MARCHF8: variants seen among roughly 807,000 people sequenced by gnomAD.
The protein encoded by MARCHF8 is E3 ubiquitin-protein ligase MARCHF8.
A neutral mutation model predicts 51.6 loss-of-function variants in MARCHF8; 40 were observed. The ratio of observed to expected loss-of-function variants is 0.77; its 90% CI spans 0.60 to 1.01. The LOEUF (loss-of-function observed/expected upper bound fraction) is 1.01. Ranked by LOEUF, MARCHF8 falls within the 50% of genes least tolerant of loss-of-function variation. The probability of loss-of-function intolerance (pLI) is 0.00; values close to 1 mark genes in which losing one functional copy is unlikely to be tolerated. For missense variants in MARCHF8, 685 were observed against 708.6 expected (o/e 0.97, Z 0.38); for synonymous variants, 263 against 280.3 (o/e 0.94, Z 0.62).
chr10:45,574,808 C>T (rs2044470945), intron 1 of MARCHF8, among the ~76,000 whole-genome samples: 1 of 152,090 alleles, frequency 6.6e-6, no homozygotes, highest in Non-Finnish European at 1.5e-5. Flanking sequence ...TTCTTTCTCA[C>T]ACCTGATGCA....
intron 1 of MARCHF8, among the ~76,000 whole-genome samples, chr10:45,591,939 A>G (rs1021377689): frequency 2.8e-4 from 42 of 152,312 alleles, no homozygotes; most frequent in African/African-American, 9.9e-4. Flanking sequence ...CCATATATCA[A>G]TCTGAAGGGC....
chr10:45,565,448 T>C (rs2044354592), intron 1 of MARCHF8, among the ~76,000 whole-genome samples: 1 of 151,762 alleles, frequency 6.6e-6, no homozygotes, highest in South Asian at 2.1e-4. Context: ...AAAATAAATA[T>C]AAACATATAT....
chr10:45,484,006 G>A (rs2042937444), intron 3 of MARCHF8, among the ~76,000 whole-genome samples: 1 of 152,094 alleles, frequency 6.6e-6, no homozygotes, highest in Non-Finnish European at 1.5e-5. Context: ...AGAGTAGGGT[G>A]ACTACAGTTA....
intron 2 of MARCHF8, among the ~76,000 whole-genome samples, chr10:45,503,493 G>A (rs1034415480): frequency 1.1e-4 from 16 of 151,768 alleles, no homozygotes; most frequent in Non-Finnish European, 2.1e-4. Context: ...CCGAGATATC[G>A]TGCCACTGCA....
intron 2 of MARCHF8, among the ~76,000 whole-genome samples, chr10:45,503,168 A>G (rs1346130883): frequency 1.3e-5 from 2 of 152,214 alleles, no homozygotes; most frequent in African/African-American, 4.8e-5. Flanking sequence ...CCAAATAGAT[A>G]AATATAGCAA....
In MARCHF8 at chr10:45,546,309, C is replaced by T. The variant is rs574267603; in HGVS notation, c.-78-13020G>A. Among the ~76,000 whole-genome samples the T allele has an allele frequency of 4.0e-3, 606 of 152,070 alleles. 2 individuals are homozygous for T. Among genetic ancestry groups the T allele is most frequent in the African/African-American group, 0.013 (558 of 41,496 alleles). ...CCGAGTAGCTGGGATTACAGGTGCACGCCACCACTCCTGTCTAATTTTTTT... is the reference window on the plus strand; with the variant it reads ...CCGAGTAGCTGGGATTACAGGTGCATGCCACCACTCCTGTCTAATTTTTTT... On this transcript the variant is annotated intron_variant, in intron 1 of 6. Transcript: ENST00000319836.
chr10:45,460,309 C>T (rs549286945), intron 6 of MARCHF8, among the ~76,000 whole-genome samples: 1 of 152,278 alleles, frequency 6.6e-6, no homozygotes, highest in African/African-American at 2.4e-5. Context: ...ACAGCCTGAC[C>T]TCTCTAAACT....
chr10:45,556,853 G>A (rs966444176), intron 1 of MARCHF8, among the ~76,000 whole-genome samples: 2 of 152,106 alleles, frequency 1.3e-5, no homozygotes, highest in Admixed American at 6.5e-5. Context: ...TAAAGGATGA[G>A]TAAATAGAAT....
At chr10:45,545,297 C>A (rs1368249750) in intron 1 of MARCHF8, among the ~76,000 whole-genome samples, 1 of 152,206 alleles carries the variant, frequency 6.6e-6, no homozygotes, top group Non-Finnish European at 1.5e-5. Flanking sequence ...TAAATAAATG[C>A]TGGTTGGATC....
At chr10:45,487,887 T>C (rs1030866381) in intron 3 of MARCHF8, among the ~76,000 whole-genome samples, 2 of 152,046 alleles carry the variant, frequency 1.3e-5, no homozygotes, top group Non-Finnish European at 2.9e-5. Context: ...AGATAGACTT[T>C]GTCACTTGTT....
In MARCHF8 at chr10:45,463,262, A is replaced by G. The variant is rs2132931945; in HGVS notation, c.977T>C (p.Leu326Pro). The change falls in exon 5 of 8, where the codon CTG becomes CCG. Residue 326 changes from leucine (L) to proline (P), a missense_variant. Physicochemically the swap from Leu to Pro is moderately conservative, Grantham distance 98. Transcript: ENST00000453424. The part of the protein sequence containing the change: ...STSAKLKSRV[L>P]RAPLCSTEKD... ...TTCCGTGGAGCAGAGGGGCGCCCGC[A>G]GAACCCTACTCTTCAGTTTTGCAGA... 3 of 1,550,972 alleles carry G rather than the reference A, an allele frequency of 1.9e-6. No homozygotes were observed. In the East Asian group the frequency reaches 7.3e-5, roughly 38 times the overall value.
chr10:45,559,823 G>T (rs977504494), intron 1 of MARCHF8, among the ~76,000 whole-genome samples: 2 of 152,042 alleles, frequency 1.3e-5, no homozygotes, highest in African/African-American at 4.8e-5. Flanking sequence ...TCTGCAACTG[G>T]GTCATTCATT....
intron 1 of MARCHF8, among the ~76,000 whole-genome samples, chr10:45,576,978 A>C (rs1019467451): frequency 2.0e-4 from 28 of 139,160 alleles, no homozygotes; most frequent in Non-Finnish European, 2.7e-4. Context: ...AGAAAAGAAA[A>C]AAAAAAAAAA....
chr10:45,461,502 C>T, intron 5 of MARCHF8, 91 bp from the exon 6 acceptor site: 1 of 1,154,514 alleles, frequency 8.7e-7, no homozygotes, highest in Non-Finnish European at 1.2e-6. Context: ...CCAAAGGAAA[C>T]TCAGAAACGA....
At chr10:45,470,021 T>C (rs1843117184) in intron 3 of MARCHF8, among the ~76,000 whole-genome samples, 1 of 152,218 alleles carries the variant, frequency 6.6e-6, no homozygotes, top group Non-Finnish European at 1.5e-5. Context: ...GAGTTCATGT[T>C]GGCTGTTGGC....
intron 1 of MARCHF8, among the ~76,000 whole-genome samples, chr10:45,584,313 G>A (rs1208232080): frequency 1.3e-5 from 2 of 151,210 alleles, no homozygotes; most frequent in Non-Finnish European, 2.9e-5. Context: ...ACAAATCTGA[G>A]GGAAAATCTC....
chr10:45,554,079 G>C (rs2044225690), intron 1 of MARCHF8, among the ~76,000 whole-genome samples: 2 of 152,130 alleles, frequency 1.3e-5, no homozygotes, highest in African/African-American at 4.8e-5. Flanking sequence ...ATGCAAAAAG[G>C]AATTATTTCA....
intron 1 of MARCHF8, among the ~76,000 whole-genome samples, chr10:45,566,068 C>A (rs963201707): frequency 6.6e-6 from 1 of 152,076 alleles, no homozygotes; most frequent in Admixed American, 6.6e-5. Context: ...TTTTAAACAG[C>A]AAAGTCACCC....
upstream of MARCHF8, among the ~76,000 whole-genome samples, chr10:45,540,232 T>C (rs1428785425): frequency 6.6e-6 from 1 of 152,150 alleles, no homozygotes; most frequent in Admixed American, 6.5e-5. Context: ...AAAAAGAGCC[T>C]GCATTGCCAA....
Sources: allele counts gnomAD v4.1 joint callset (sites outside exome capture counted in the v4.1 genomes callset), GRCh38; gene constraint gnomAD v4.1.1; transcripts MANE v1.5; gene names NCBI Gene and HGNC (gene_info 2026-07-23, HGNC 2026-07-21).